The following TNS2 variants were observed in gnomAD, a reference collection of about 807,000 sequenced individuals.
TNS2 encodes tensin 2.
A neutral mutation model predicts 155.7 loss-of-function variants in TNS2; 77 were observed. The observed-to-expected ratio is 0.49, with a 90% confidence interval of 0.41 to 0.60. TNS2 has a LOEUF of 0.60. Among genes scored for constraint, TNS2 ranks in the 20% least tolerant of loss-of-function variants. The pLI, the probability that TNS2 is intolerant of heterozygous loss-of-function variation, is 0.00. For missense variants in TNS2, 1,703 were observed against 1,868.8 expected (o/e 0.91, Z 1.64); for synonymous variants, 726 against 763.9 (o/e 0.95, Z 0.82).
At chr12:53,055,880 A>G in intron 10 of TNS2, 35 bp downstream of exon 10, 1 of 1,587,886 alleles carries the variant, frequency 6.3e-7, no homozygotes, top group Non-Finnish European at 8.6e-7. Flanking sequence ...CTGCTTCCCC[A>G]GTGGCCCTTT....
chr12:53,055,004 G>A (rs146237252), intron 7 of TNS2, among the ~76,000 whole-genome samples, 182 bp from the exon 8 acceptor site: 1 of 151,916 alleles, frequency 6.6e-6, no homozygotes, highest in Non-Finnish European at 1.5e-5. Flanking sequence ...GGCTGGTCTC[G>A]AACTCCTGAC....
chr12:53,057,070 C>T lies in TNS2; in HGVS notation c.819C>T (p.Ala273=). The T allele has an allele frequency of 1.9e-6, 3 of 1,613,582 alleles. No homozygotes were observed. The highest frequency in any genetic ancestry group is 2.5e-6 in the Non-Finnish European group (3 of 1,179,862). The change falls in exon 11 of 29, where the codon GCC becomes GCT. Residue 273 remains alanine (A), a synonymous_variant. Coordinates refer to ENST00000314250, the MANE Select transcript of TNS2 (RefSeq NM_170754.4). ...TMRKFCEDKV[A]TELQPSQRRY... Reference sequence around the variant, plus strand: ...GGAAATTCTGCGAGGACAAGGTGGCCACAGAACTGCAGCCCTCCCAGCGTC... The same window carrying T: ...GGAAATTCTGCGAGGACAAGGTGGCTACAGAACTGCAGCCCTCCCAGCGTC...
chr12:53,059,521 A>G lies in TNS2; in HGVS notation c.1880A>G (p.Glu627Gly). 6.3e-7 allele frequency: 1 copy of G among 1,582,784 alleles called. No individual in the cohort carries two copies. The highest frequency in any genetic ancestry group is 8.6e-7 in the Non-Finnish European group (1 of 1,167,002). Residue 627 changes from glutamate to glycine, a missense_variant, in exon 18 of 29, where the codon GAG becomes GGG. Glu to Gly is a moderately conservative substitution (Grantham distance 98). Transcript: ENST00000314250. This position sits in a 1 kb window ranked among gnomAD's most constrained non-coding sequence, Gnocchi z 4.7. ...AGGCGACTGGCCTACGGGGGCTATG[A>G]GGGATCCCCCCAGGGCTACGCCGAG... ...ERRRLAYGGY[E>G]GSPQGYAEAS...
Position 53,060,175 on chromosome 12 carries a change from GCTACGAGATCC to G in TNS2, c.2540_2550del (p.Glu847GlyfsTer109). The G allele has an allele frequency of 6.2e-7, 1 of 1,604,428 alleles. No individual in the cohort carries two copies. Among genetic ancestry groups the G allele is most frequent in the Non-Finnish European group, 8.5e-7 (1 of 1,175,116 alleles). On this transcript the variant is annotated frameshift_variant, in exon 18 of 29. Transcript: ENST00000314250. LOFTEE classifies it high-confidence loss of function. This position sits in a 1 kb window ranked among gnomAD's most constrained non-coding sequence, Gnocchi z 6.1. Reference sequence around the variant, plus strand: ...CCCTATCCACAATCTAGGAAGCTGAGCTACGAGATCCCTACGGAGGAGGGAGGGGACAGGTA... The same window carrying G: ...CCCTATCCACAATCTAGGAAGCTGAGCTACGGAGGAGGGAGGGGACAGGTA...
At chr12:53,058,999 T>G (rs781347809) in intron 17 of TNS2, 48 bp from the exon 18 acceptor site, 26 of 1,537,348 alleles carry the variant, frequency 1.7e-5, no homozygotes, top group Non-Finnish European at 2.2e-5. Flanking sequence ...TCTCTCTCCC[T>G]CCCTGTTCCC....
intron 3 of TNS2, 43 bp from the exon 4 acceptor site, chr12:53,053,367 AG>A: frequency 6.2e-7 from 1 of 1,613,178 alleles, no homozygotes; most frequent in Non-Finnish European, 8.5e-7. Context: ...AGCCCACGAG[AG>A]CCCTTCACCA....
intron 2 of TNS2, 40 bp downstream of exon 2, chr12:53,052,003 A>G: frequency 6.5e-7 from 1 of 1,527,634 alleles, no homozygotes; most frequent in Non-Finnish European, 9.0e-7. Context: ...CCCTCCACCC[A>G]GTACCACTGT....
rs1228588606 is a variant in TNS2, at chr12:53,058,367, C to T, written c.1147C>T (p.Arg383Ter). The change falls in exon 15 of 29, where the codon CGA (arginine) becomes TGA (stop). Residue 383 changes from arginine (R) to a stop codon, truncating the protein, a stop_gained. Transcript: ENST00000314250. LOFTEE classifies it high-confidence loss of function. Reference protein sequence around the residue: ...GRGTDRTLVFRVQFHTCTIHG... With the variant: ...GRGTDRTLVF ...GGGCACAGACCGGACCCTCGTGTTC[C>T]GAGTCCAGTTCCACACCTGCACCAT... 7 of 1,614,176 alleles carry T rather than the reference C, an allele frequency of 4.3e-6. No individual in the cohort carries two copies. The highest frequency in any genetic ancestry group is 1.1e-5 in the South Asian group (1 of 91,092).
At chr12:53,058,135 G>A in intron 14 of TNS2, 33 bp downstream of exon 14, 4 of 1,613,980 alleles carry the variant, frequency 2.5e-6, no homozygotes, top group Non-Finnish European at 3.4e-6. Context: ...GAAGAATCCT[G>A]GAGATGGGGC....
At chr12:53,049,346 G>A (rs1339429928), upstream of TNS2, 17 of 1,009,076 alleles carry the variant, frequency 1.7e-5, no homozygotes, top group Admixed American at 4.1e-4. Flanking sequence ...GGATCTGTGA[G>A]ATCATGTCTG....
In TNS2 at chr12:53,059,625, G is replaced by A. The variant is rs748989870; in HGVS notation, c.1984G>A (p.Ala662Thr). The A allele has an allele frequency of 3.0e-5, 48 of 1,612,992 alleles. No individual in the cohort carries two copies. Among genetic ancestry groups the A allele is most frequent in the Non-Finnish European group, 3.9e-5 (46 of 1,179,736 alleles). ...YPYPPEMGKPATGDFGYRAPG... is the reference protein window; with the variant it reads ...YPYPPEMGKPTTGDFGYRAPG... Reference sequence around the variant, plus strand: ...CTACCCACCTGAGATGGGGAAACCAGCCACTGGGGACTTTGGCTACCGCGC... The same window carrying A: ...CTACCCACCTGAGATGGGGAAACCAACCACTGGGGACTTTGGCTACCGCGC... The change falls in exon 18 of 29, where the codon GCC becomes ACC. Residue 662 changes from alanine to threonine, a missense_variant. Transcript: ENST00000314250. This position sits in a 1 kb window ranked among gnomAD's most constrained non-coding sequence, Gnocchi z 4.7.
chr12:53,063,690 A>G lies in TNS2; in HGVS notation c.4092-54A>G. The G allele has an allele frequency of 1.9e-6, 3 of 1,614,034 alleles. No homozygotes were observed. Among genetic ancestry groups the G allele is most frequent in the Non-Finnish European group, 2.5e-6 (3 of 1,179,930 alleles). Reference sequence around the variant, plus strand: ...TTGATTTGTCTCACCAAGGCCAGCTACATTCCCTTGTGGAAGGAATGTTAA... The same window carrying G: ...TTGATTTGTCTCACCAAGGCCAGCTGCATTCCCTTGTGGAAGGAATGTTAA... On this transcript the variant is annotated intron_variant, in intron 28 of 28. Transcript: ENST00000314250. This position sits in a 1 kb window ranked among gnomAD's most constrained non-coding sequence, Gnocchi z 5.6.
chr12:53,060,927 C>G lies in TNS2; in HGVS notation c.3021C>G (p.Thr1007=). The G allele has an allele frequency of 6.3e-7, 1 of 1,597,546 alleles. No homozygotes were observed. Among genetic ancestry groups the G allele is most frequent in the Non-Finnish European group, 8.5e-7 (1 of 1,172,244 alleles). ...CCAGTCCTCGGAGCCCTGTGCCCAC[C>G]ACACTTCCTGGCCTCCGCCACGCCC... The part of the protein sequence containing the change: ...DGASPRSPVP[T]TLPGLRHAPW... The change falls in exon 20 of 29, where the codon ACC becomes ACG. Residue 1007 remains threonine, a synonymous_variant. Coordinates refer to ENST00000314250, the MANE Select transcript of TNS2 (RefSeq NM_170754.4). This position sits in a 1 kb window ranked among gnomAD's most constrained non-coding sequence, Gnocchi z 6.1.
intron 21 of TNS2, 99 bp from the exon 22 acceptor site, chr12:53,061,716 G>T: frequency 6.5e-7 from 1 of 1,537,988 alleles, no homozygotes; most frequent in East Asian, 2.3e-5. Context: ...TGTCAGGGCA[G>T]AGACCATGGA....
Position 53,063,290 on chromosome 12 carries a change from T to C in TNS2, c.3992+33T>C. 7 of 1,613,970 alleles carry C rather than the reference T, an allele frequency of 4.3e-6. No homozygotes were observed. The highest frequency in any genetic ancestry group is 5.9e-6 in the Non-Finnish European group (7 of 1,179,950). ...TACTCAGCCCTGTAGAACCCCATGC[T>C]TAAGGCCCCTGGGGGCTCATGTTTC... On this transcript the variant is annotated intron_variant, in intron 26 of 28. Coordinates refer to ENST00000314250, the MANE Select transcript of TNS2 (RefSeq NM_170754.4). This position sits in a 1 kb window ranked among gnomAD's most constrained non-coding sequence, Gnocchi z 5.6.
rs764563186 is a variant in TNS2 at position 53,059,393 on chromosome 12, T to C, written c.1752T>C (p.His584=). ...CCCACCTCGGAGTGTATCCAGGCCA[T>C]AGGCCTGGCCTCAGCCGCCACTGCT... ...GGPHLGVYPG[H]RPGLSRHCSC... Residue 584 remains histidine, a synonymous_variant, in exon 18 of 29, where the codon CAT becomes CAC. Coordinates refer to ENST00000314250, the MANE Select transcript of TNS2 (RefSeq NM_170754.4). This position sits in a 1 kb window ranked among gnomAD's most constrained non-coding sequence, Gnocchi z 4.7. 2.0e-6 allele frequency: 3 copies of C among 1,467,898 alleles called. No homozygotes were observed. The highest frequency in any genetic ancestry group is 2.7e-6 in the Non-Finnish European group (3 of 1,110,822). The allele number at this position is 1,467,898 out of a possible 1,614,324, so 90.9% of individuals were successfully genotyped here. A position where few individuals can be genotyped will look rare whatever the true frequency, so the allele number is the denominator to read the frequency against.
intron 10 of TNS2, 113 bp downstream of exon 10, chr12:53,055,958 C>A: frequency 9.4e-7 from 1 of 1,062,476 alleles, no homozygotes; most frequent in Non-Finnish European, 1.4e-6. Context: ...CCTTTGCTGT[C>A]AGCTTAGCAC....
chr12:53,052,521 G>A (rs746339676), intron 3 of TNS2, 29 bp downstream of exon 3: 1 of 1,613,698 alleles, frequency 6.2e-7, no homozygotes, highest in East Asian at 2.2e-5. Flanking sequence ...CTGATAGGGG[G>A]AGAGGGTCTG....
rs1438995607 is a variant in TNS2 at position 53,053,988 on chromosome 12, C to T, written c.324C>T (p.His108=). 1.9e-6 allele frequency: 3 copies of T among 1,614,092 alleles called. No individual in the cohort carries two copies. Among genetic ancestry groups the T allele is most frequent in the African/African-American group, 1.3e-5 (1 of 74,946 alleles). ...AGGGATCCACCAAATCTCTGAACCA[C>T]TCAAAGCAGCGCAGCACTCTGCCCA... ...EHLGSTKSLN[H]SKQRSTLPRS... Residue 108 remains histidine (H), a synonymous_variant, in exon 6 of 29, where the codon CAC becomes CAT. Transcript: ENST00000314250.
Sources: allele counts gnomAD v4.1 joint callset (sites outside exome capture counted in the v4.1 genomes callset), GRCh38; gene constraint gnomAD v4.1.1; non-coding constraint Gnocchi (gnomAD v3.1); transcripts MANE v1.5; gene names NCBI Gene and HGNC (gene_info 2026-07-23, HGNC 2026-07-21).